PIEZO2: variants seen among roughly 807,000 people sequenced by gnomAD.
PIEZO2 encodes piezo type mechanosensitive ion channel component 2, also known as piezo-type mechanosensitive ion channel component 2.
PIEZO2 carries 172 observed loss-of-function variants against 337.3 expected under a neutral mutation model. That is an observed-to-expected ratio of 0.51 (90% confidence interval 0.45 to 0.58). PIEZO2 has a LOEUF of 0.58. Among genes scored for constraint, PIEZO2 ranks in the 20% least tolerant of loss-of-function variants. PIEZO2 has a pLI of 0.00. For missense variants in PIEZO2, 3,028 were observed against 3,391.3 expected (o/e 0.89, Z 2.66); for synonymous variants, 1,251 against 1,228.5 (o/e 1.02, Z -0.38).
chr18:10,978,096 G>T (rs535597646), intron 3 of PIEZO2, among the ~76,000 whole-genome samples: 2 of 152,264 alleles, frequency 1.3e-5, no homozygotes, highest in East Asian at 1.9e-4. Context: ...GCCGAGGCAG[G>T]CGGATCACGA....
Position 10,767,534 on chromosome 18 carries a change from C to G in PIEZO2, c.2946+2614G>C, listed in dbSNP as rs1247400448. Among the ~76,000 whole-genome samples, 2 of 152,160 alleles carry G rather than the reference C, an allele frequency of 1.3e-5. No individual in the cohort carries two copies. Among genetic ancestry groups the G allele is most frequent in the African/African-American group, 4.8e-5 (2 of 41,442 alleles). The stretch of plus-strand genomic sequence containing the variant: ...GGGGATGCAGGGAGGAGAACGTCCT[C>G]TGCGCGCAGCCCGAGTGAGGAGCTA... On this transcript the variant is annotated intron_variant, in intron 21 of 55. Transcript: ENST00000674853. This position sits in a 1 kb window ranked among gnomAD's most constrained non-coding sequence, Gnocchi z 4.2.
rs2040813684 is a variant in PIEZO2, at chr18:10,830,469, C to T, written c.918-23195G>A. The stretch of plus-strand genomic sequence containing the variant: ...AGACTGTCCTTTCCCCCCTTTTATG[C>T]CTCTGGTTGCACTTGAATAAAACTA... On this transcript the variant is annotated intron_variant, in intron 7 of 55. Coordinates refer to ENST00000674853, the MANE Select transcript of PIEZO2 (RefSeq NM_001378183.1). The surrounding 1 kb of genome is among the most constrained non-coding windows in gnomAD (Gnocchi z 4.7). 6.6e-6 allele frequency among the ~76,000 whole-genome samples: 1 copy of T among 151,954 alleles called. No homozygotes were observed. The highest frequency in any genetic ancestry group is 2.4e-5 in the African/African-American group (1 of 41,364).
intron 4 of PIEZO2, among the ~76,000 whole-genome samples, chr18:10,898,272 C>T (rs264170): frequency 0.93 from 141,007 of 152,230 alleles, 65,365 homozygotes; most frequent in East Asian, 1. Flanking sequence ...ACACAAAAAA[C>T]TAGCCGGGCG....
intron 3 of PIEZO2, among the ~76,000 whole-genome samples, chr18:10,959,254 G>C (rs116793795): frequency 0.012 from 1,850 of 152,192 alleles, 41 homozygotes; most frequent in African/African-American, 0.042. Flanking sequence ...ACAGTAAAAG[G>C]TATACTTCCC....
chr18:11,144,647 G>A (rs4573993), intron 1 of PIEZO2, among the ~76,000 whole-genome samples: 55,612 of 152,090 alleles, frequency 0.37, 10,366 homozygotes, highest in East Asian at 0.46. Flanking sequence ...TCCTTAAAGG[G>A]AGTTTTAGAG....
At chr18:10,869,050 C>T (rs770659783) in intron 5 of PIEZO2, among the ~76,000 whole-genome samples, 1 of 152,188 alleles carries the variant, frequency 6.6e-6, no homozygotes, top group Non-Finnish European at 1.5e-5. Flanking sequence ...TGAAATTGCA[C>T]TACTACCTCT....
intron 12 of PIEZO2, among the ~76,000 whole-genome samples, chr18:10,797,043 T>C (rs2039627236): frequency 6.6e-6 from 1 of 151,770 alleles, no homozygotes; most frequent in Non-Finnish European, 1.5e-5. Context: ...TTACATACCA[T>C]CATATATGTA....
chr18:11,076,870 C>T (rs2038565663), intron 1 of PIEZO2, among the ~76,000 whole-genome samples: 1 of 152,114 alleles, frequency 6.6e-6, no homozygotes, highest in Admixed American at 6.5e-5. Context: ...GTGCTTCTTC[C>T]TCCTTTGAAA....
At chr18:11,006,307 G>A (rs949353469) in intron 2 of PIEZO2, among the ~76,000 whole-genome samples, 1 of 152,144 alleles carries the variant, frequency 6.6e-6, no homozygotes, top group African/African-American at 2.4e-5. Context: ...GCAAAGAAAA[G>A]GGCTTGGCAG....
Position 10,748,550 on chromosome 18 carries a change from G to A in PIEZO2, c.4345C>T (p.Leu1449=). Residue 1449 remains leucine, a synonymous_variant, in exon 30 of 56, where the codon CTG becomes TTG. Transcript: ENST00000674853. This position sits in a 1 kb window ranked among gnomAD's most constrained non-coding sequence, Gnocchi z 5.1. ...TAACTCATGAAAACTCTTCTTTGCA[G>A]CAGGAGGAAGGCAAAACATATGCTG... The part of the protein sequence containing the change: ...WDSICFAFLL[L]QRRVFMSYYF... 5 of 1,536,412 alleles carry A rather than the reference G, an allele frequency of 3.3e-6. No individual in the cohort carries two copies. The South Asian group carries it at 6.0e-5, about 18-fold the overall frequency.
intron 3 of PIEZO2, among the ~76,000 whole-genome samples, chr18:10,938,673 G>A (rs1029849307): frequency 5.3e-5 from 8 of 152,174 alleles, no homozygotes; most frequent in African/African-American, 1.9e-4. Flanking sequence ...AAAAAAAGGA[G>A]AATATTCAAT....
intron 14 of PIEZO2, among the ~76,000 whole-genome samples, chr18:10,790,706 T>TTTTGCAC (rs1850369521): frequency 1.1e-4 from 1 of 9,446 alleles, no homozygotes; most frequent in East Asian, 0.022. Context: ...CAAATGGCAC[T>TTTTGCAC]TTTTTTTTTT....
intron 42 of PIEZO2, among the ~76,000 whole-genome samples, chr18:10,703,103 C>T (rs60193442): frequency 2.0e-5 from 3 of 152,164 alleles, no homozygotes; most frequent in Non-Finnish European, 4.4e-5. Context: ...ATCCTCCTGC[C>T]TTGGCCTCTT....
At chr18:11,142,251 T>C (rs747128756) in intron 1 of PIEZO2, among the ~76,000 whole-genome samples, 2 of 152,254 alleles carry the variant, frequency 1.3e-5, no homozygotes, top group African/African-American at 2.4e-5. Context: ...TGCAAAGCTA[T>C]ACGTTGCTGT....
rs147631534 is a variant in PIEZO2 at position 10,798,309 on chromosome 18, T to TAGG, written c.1379-790_1379-788dup. 5.9e-3 allele frequency among the ~76,000 whole-genome samples: 906 copies of TAGG among 152,352 alleles called. 15 individuals are homozygous for TAGG. Among genetic ancestry groups the TAGG allele is most frequent in the African/African-American group, 0.019 (809 of 41,576 alleles). ...TTGTTCAAATCAAATGGGCTATGTATAGGTGGGTTACAGGAGAAAGTTTCT... is the reference window on the plus strand; with the variant it reads ...TTGTTCAAATCAAATGGGCTATGTATAGGAGGTGGGTTACAGGAGAAAGTTTCT... On this transcript the variant is annotated intron_variant, in intron 11 of 55. Transcript: ENST00000674853.
intron 2 of PIEZO2, among the ~76,000 whole-genome samples, chr18:11,020,496 C>G (rs1023047958): frequency 3.3e-5 from 5 of 152,162 alleles, no homozygotes; most frequent in African/African-American, 9.7e-5. Flanking sequence ...CTGTCAATAC[C>G]TGGCACTGAT....
intron 1 of PIEZO2, among the ~76,000 whole-genome samples, chr18:11,068,899 A>T (rs2038244939): frequency 6.6e-6 from 1 of 152,194 alleles, no homozygotes; most frequent in Non-Finnish European, 1.5e-5. Context: ...GCAATTATAC[A>T]TTAATAAACT....
chr18:10,725,188 G>A, intron 36 of PIEZO2: 3 of 1,546,642 alleles, frequency 1.9e-6, no homozygotes, highest in African/African-American at 1.4e-5. Flanking sequence ...CCATCAGGCA[G>A]TTGGCATCAT....
intron 48 of PIEZO2, among the ~76,000 whole-genome samples, chr18:10,690,358 G>C (rs1324221633): frequency 6.6e-6 from 1 of 152,154 alleles, no homozygotes; most frequent in Non-Finnish European, 1.5e-5. Context: ...GCTCCTCCAG[G>C]CTCTGAAGAA....
Sources: allele counts gnomAD v4.1 joint callset (sites outside exome capture counted in the v4.1 genomes callset), GRCh38; gene constraint gnomAD v4.1.1; non-coding constraint Gnocchi (gnomAD v3.1); transcripts MANE v1.5; gene names NCBI Gene and HGNC (gene_info 2026-07-23, HGNC 2026-07-21).